The following ATP4A variants were observed in gnomAD, a reference collection of about 807,000 sequenced individuals.
ATP4A encodes potassium-transporting ATPase alpha chain 1.
Under a neutral mutation model 112.1 loss-of-function variants are expected in ATP4A, and 73 were observed. The observed-to-expected ratio is 0.65, with a 90% CI of 0.54 to 0.79. The LOEUF is 0.79. Among genes scored for constraint, ATP4A ranks in the 30% least tolerant of loss-of-function variants. The pLI is 0.00. For missense variants in ATP4A, 1,081 were observed against 1,425.9 expected, an observed-to-expected ratio of 0.76 and a Z score of 3.90; for synonymous variants, 588 against 588.9, an observed-to-expected ratio of 1.00 and a Z score of 0.02.
rs1320758074 is a variant in ATP4A at position 35,559,684 on chromosome 19, A to C, written c.1056+121T>G. 13 of 1,422,460 alleles carry C rather than the reference A, an allele frequency of 9.1e-6. No individual in the cohort carries two copies. Among genetic ancestry groups the C allele is most frequent in the Non-Finnish European group, 1.2e-5 (13 of 1,064,002 alleles). The allele number at this position is 1,422,460 out of a possible 1,614,324, so 88.1% of individuals were successfully genotyped here. The stretch of plus-strand genomic sequence containing the variant: ...TGAGTGGATGATGGGAAGGCAGGAG[A>C]ATGGATGGGAGCTAAGTGGACAGAT... On this transcript the variant is annotated intron_variant, in intron 7 of 21. Coordinates refer to ENST00000262623, the MANE Select transcript of ATP4A (RefSeq NM_000704.3). The surrounding 1 kb of genome is among the most constrained non-coding windows in gnomAD (Gnocchi z 4.1).
At chr19:35,563,109 T>A (rs2071681731) in intron 3 of ATP4A, 100 bp downstream of exon 3, 2 of 1,197,960 alleles carry the variant, frequency 1.7e-6, no homozygotes, top group South Asian at 1.3e-5. Flanking sequence ...CCTCTCTTCA[T>A]CTCTCCCTCT....
chr19:35,554,716 G>A (rs1296306488), intron 16 of ATP4A, among the ~76,000 whole-genome samples: 2 of 115,172 alleles, frequency 1.7e-5, no homozygotes, highest in Non-Finnish European at 3.7e-5. Flanking sequence ...CTGAGTGTCC[G>A]CCTGTGTGTG....
Position 35,557,858 on chromosome 19 carries a change from G to T in ATP4A, c.1501-11C>A, listed in dbSNP as rs541563848. ...CGTATGGATGGACAGCTGTGGGCGG[G>T]GGGGAGAGGCGAGGCTGTGGACGGG... On this transcript the variant is annotated splice_polypyrimidine_tract_variant and intron_variant, in intron 10 of 21. Transcript: ENST00000262623. This position sits in a 1 kb window ranked among gnomAD's most constrained non-coding sequence, Gnocchi z 4.4. 326 of 1,477,908 alleles carry T rather than the reference G, an allele frequency of 2.2e-4. No individual in the cohort carries two copies. The African/African-American group carries it at 3.9e-3, about 18-fold the overall frequency. The allele number at this position is 1,477,908 out of a possible 1,614,324, so 91.5% of individuals were successfully genotyped here. A position where few individuals can be genotyped will look rare whatever the true frequency, so the allele number is the denominator to read the frequency against.
rs763088328 is a variant in ATP4A at position 35,562,409 on chromosome 19, G to A, written c.420+26C>T. 23 of 1,606,924 alleles carry A rather than the reference G, an allele frequency of 1.4e-5. 2 individuals are homozygous for A. The South Asian group carries it at 2.5e-4, about 17-fold the overall frequency. On this transcript the variant is annotated intron_variant, in intron 4 of 21. Transcript: ENST00000262623. ...TTCCATCCCCAGGTCCCCATGTCCTGAGCCTGTCCCCACAACATGGCTCAC... is the reference window on the plus strand; with the variant it reads ...TTCCATCCCCAGGTCCCCATGTCCTAAGCCTGTCCCCACAACATGGCTCAC...
intron 16 of ATP4A, among the ~76,000 whole-genome samples, chr19:35,554,129 G>C (rs996030664): frequency 6.6e-6 from 1 of 151,830 alleles, no homozygotes; most frequent in Non-Finnish European, 1.5e-5. Flanking sequence ...GTAATTCTCT[G>C]TGACTGTATC....
chr19:35,559,159 G>T lies in ATP4A; in HGVS notation c.1089C>A (p.Ala363=). 3 of 1,614,150 alleles carry T rather than the reference G, an allele frequency of 1.9e-6. No homozygotes were observed. The highest frequency in any genetic ancestry group is 2.5e-6 in the Non-Finnish European group (3 of 1,180,030). The change falls in exon 8 of 22, where the codon GCC becomes GCA. Residue 363 remains alanine, a synonymous_variant. Transcript: ENST00000262623. The surrounding 1 kb of genome is among the most constrained non-coding windows in gnomAD (Gnocchi z 4.1). ...GGTTCTTGACCACGCAGTTCTTACT[G>T]GCCAGGCGCTTGGCTGTCAGGGACA... ...VCLSLTAKRL[A]SKNCVVKNLE...
In ATP4A at chr19:35,556,017, G is replaced by A. The variant is rs188595112; in HGVS notation, c.1870-205C>T. ...TGAGGGTGACAGAAAATAAAGAAACGAATTATATAGTGTGTTAGAAAGTGG... is the reference window on the plus strand; with the variant it reads ...TGAGGGTGACAGAAAATAAAGAAACAAATTATATAGTGTGTTAGAAAGTGG... On this transcript the variant is annotated intron_variant, in intron 12 of 21. Coordinates refer to ENST00000262623, the MANE Select transcript of ATP4A (RefSeq NM_000704.3). Among the ~76,000 whole-genome samples, 7 of 152,090 alleles carry A rather than the reference G, an allele frequency of 4.6e-5. No homozygotes were observed. In the South Asian group the frequency reaches 8.3e-4, roughly 18 times the overall value.
At chr19:35,562,379 G>A (rs2146312744) in intron 4 of ATP4A, 56 bp downstream of exon 4, 1 of 1,572,068 alleles carries the variant, frequency 6.4e-7, no homozygotes, top group South Asian at 1.2e-5. Context: ...CCCAGGCTCA[G>A]TGTCTTCCAT....
At position 35,553,057 on chromosome 19, in the gene ATP4A, C is replaced by T; in HGVS notation, c.2731G>A (p.Asp911Asn). 6.2e-7 allele frequency: 1 copy of T among 1,607,556 alleles called. No individual in the cohort carries two copies. Among genetic ancestry groups the T allele is most frequent in the Non-Finnish European group, 8.5e-7 (1 of 1,174,830 alleles). Residue 911 changes from aspartate to asparagine, a missense_variant, in exon 18 of 22, where the codon GAC becomes AAC. Transcript: ENST00000262623. ...WEDHHLQDLQ[D>N]SYGQEWTFGQ... ...CTCACCCACTCCTGGCCGTAGCTGT[C>T]CTGCAGATCTTGTAGGTGGTGGTCC... is the stretch of plus-strand genomic sequence containing the variant.
rs761158858 is a variant in ATP4A, at chr19:35,556,961, C to T, written c.1821G>A (p.Arg607=). ...AGLVSMIDPP[R]ATVPDAVLKC... ...TGAGCACAGCATCAGGGACGGTGGC[C>T]CGGGGTGGGTCAATCATGGATACAA... The change falls in exon 12 of 22, where the codon CGG becomes CGA. Residue 607 remains arginine, a synonymous_variant. Coordinates refer to ENST00000262623, the MANE Select transcript of ATP4A (RefSeq NM_000704.3). 9 of 1,614,132 alleles carry T rather than the reference C, an allele frequency of 5.6e-6. No homozygotes were observed. The South Asian group carries it at 9.9e-5, about 18-fold the overall frequency.
Position 35,560,374 on chromosome 19 carries a change from A to G in ATP4A, c.776T>C (p.Met259Thr). 1 of 1,613,898 alleles carries G rather than the reference A, an allele frequency of 6.2e-7. No individual in the cohort carries two copies. The highest frequency in any genetic ancestry group is 8.5e-7 in the Non-Finnish European group (1 of 1,179,982). ...ETRNIAFFST[M>T]CLEGTVQGLV... ...GGGGCTTCACAGACCCTCAAGGCAC[A>G]TGGTGGAGAAGAAGGCGATGTTGCG... The change falls in exon 6 of 22, where the codon ATG (methionine) becomes ACG (threonine). Residue 259 changes from methionine (M) to threonine (T), a missense_variant. By Grantham distance (81) the Met-to-Thr change is moderately conservative. This residue lies in a region of ATP4A where 850 missense variants were observed against 1,068.2 expected (regional missense o/e 0.80). Coordinates refer to ENST00000262623, the MANE Select transcript of ATP4A (RefSeq NM_000704.3). This position sits in a 1 kb window ranked among gnomAD's most constrained non-coding sequence, Gnocchi z 5.1.
intron 17 of ATP4A, 152 bp downstream of exon 17, chr19:35,553,554 A>G: frequency 8.3e-7 from 1 of 1,199,118 alleles, no homozygotes; most frequent in Non-Finnish European, 1.1e-6. Context: ...ACTGTCACAA[A>G]CAGAGAGGGA....
Position 35,557,455 on chromosome 19 carries a change from G to A in ATP4A, c.1693+200C>T, listed in dbSNP as rs2071637540. 6.6e-6 allele frequency among the ~76,000 whole-genome samples: 1 copy of A among 152,246 alleles called. No individual in the cohort carries two copies. Among genetic ancestry groups the A allele is most frequent in the East Asian group, 1.9e-4 (1 of 5,196 alleles). Reference sequence around the variant, plus strand: ...AGGATACGGATAAAAGTCCAGGTGAGGACTGGGGTCAAGGTAGAAAGTGAG... The same window carrying A: ...AGGATACGGATAAAAGTCCAGGTGAAGACTGGGGTCAAGGTAGAAAGTGAG... On this transcript the variant is annotated intron_variant, in intron 11 of 21. Transcript: ENST00000262623. This position sits in a 1 kb window ranked among gnomAD's most constrained non-coding sequence, Gnocchi z 4.4.
At position 35,560,320 on chromosome 19, in the gene ATP4A, G is replaced by A; in HGVS notation, c.787+43C>T. ...AGAAGATAGCAGGAGAGAGGCCAGT[G>A]GAGGCAGCAGTTACTGGGCAGGCAG... On this transcript the variant is annotated intron_variant, in intron 6 of 21. Coordinates refer to ENST00000262623, the MANE Select transcript of ATP4A (RefSeq NM_000704.3). The surrounding 1 kb of genome is among the most constrained non-coding windows in gnomAD (Gnocchi z 5.1). The A allele has an allele frequency of 6.2e-7, 1 of 1,608,114 alleles. No individual in the cohort carries two copies. Among genetic ancestry groups the A allele is most frequent in the Non-Finnish European group, 8.5e-7 (1 of 1,176,562 alleles).
rs759487655 is a variant in ATP4A, at chr19:35,563,480, C to G, written c.60G>C (p.Gly20=). ...YSVELGPGPG[G]DMAAKMSKKK... is the part of the protein sequence containing the mutation. ...TCTTGCTCATCTTGGCAGCCATGTC[C>G]CCGCCAGGGCCAGGACCCAGCTCCA... is the stretch of plus-strand genomic sequence containing the variant. Residue 20 remains glycine (G), a synonymous_variant, in exon 2 of 22, where the codon GGG becomes GGC. Coordinates refer to ENST00000262623, the MANE Select transcript of ATP4A (RefSeq NM_000704.3). The G allele has an allele frequency of 1.9e-6, 3 of 1,613,964 alleles. No homozygotes were observed. The African/African-American group carries it at 4.0e-5, about 22-fold the overall frequency.
At position 35,558,137 on chromosome 19, in the gene ATP4A, C is replaced by T; in HGVS notation, c.1500+225G>A. On this transcript the variant is annotated intron_variant, in intron 10 of 21. Coordinates refer to ENST00000262623, the MANE Select transcript of ATP4A (RefSeq NM_000704.3). This position sits in a 1 kb window ranked among gnomAD's most constrained non-coding sequence, Gnocchi z 5.1. ...GGCGGATTTGGAGAGCGAGGTGCTC[C>T]CCATGGACAGTCCCGCCGAGGAGAA... 3.0e-6 allele frequency: 2 copies of T among 662,626 alleles called. No homozygotes were observed. Among genetic ancestry groups the T allele is most frequent in the Non-Finnish European group, 5.1e-6 (2 of 395,520 alleles). The allele number at this position is 662,626 out of a possible 1,614,324, so 41.0% of individuals were successfully genotyped here. A position where few individuals can be genotyped will look rare whatever the true frequency, so the allele number is the denominator to read the frequency against.
Position 35,560,654 on chromosome 19 carries a change from T to TGGGGGTGGGGGGGGGG in ATP4A, c.535-40_535-39insCCCCCCCCCCACCCCC. 2.0e-6 allele frequency: 1 copy of TGGGGGTGGGGGGGGGG among 506,894 alleles called. No individual in the cohort carries two copies. Among genetic ancestry groups the TGGGGGTGGGGGGGGGG allele is most frequent in the Non-Finnish European group, 3.0e-6 (1 of 332,126 alleles). The allele number at this position is 506,894 out of a possible 1,614,324, so 31.4% of individuals were successfully genotyped here. ...GCACCAAAGTTGAGGTGGACGGGGG[T>TGGGGGTGGGGGGGGGG]GGGGGTGGGAGCTGCTGCATGTGGG... is the stretch of plus-strand genomic sequence containing the variant. On this transcript the variant is annotated intron_variant, in intron 5 of 21. Transcript: ENST00000262623. This position sits in a 1 kb window ranked among gnomAD's most constrained non-coding sequence, Gnocchi z 5.1.
At chr19:35,562,364 C>T (rs889452194) in intron 4 of ATP4A, 71 bp downstream of exon 4, 2 of 1,537,430 alleles carry the variant, frequency 1.3e-6, no homozygotes, top group Non-Finnish European at 1.8e-6. Context: ...CCTCTTGTCC[C>T]AAGTCCCAGG....
In ATP4A at chr19:35,553,819, A is replaced by G. The variant is rs960716144; in HGVS notation, c.2492T>C (p.Val831Ala). ...IELCTDIFPS[V>A]SLAYEKAESD... The stretch of plus-strand genomic sequence containing the variant: ...CTCGGCCTTTTCATATGCCAGGGAC[A>G]CAGATGGGAACTGGCCAGGAGTGGA... Residue 831 changes from valine to alanine, a missense_variant, in exon 17 of 22, where the codon GTG becomes GCG. By Grantham distance (64) the Val-to-Ala change is moderately conservative (BLOSUM62 0). Coordinates refer to ENST00000262623, the MANE Select transcript of ATP4A (RefSeq NM_000704.3). 1 of 1,577,976 alleles carries G rather than the reference A, an allele frequency of 6.3e-7. No individual in the cohort carries two copies. Among genetic ancestry groups the G allele is most frequent in the Non-Finnish European group, 8.6e-7 (1 of 1,161,448 alleles).
Sources: gnomAD v4.1 joint callset for allele counts (sites outside exome capture counted in the v4.1 genomes callset) on GRCh38, gnomAD v4.1.1 for gene constraint, gnomAD v4.1.1 regional missense constraint, Gnocchi (gnomAD v3.1) non-coding constraint, MANE v1.5 for transcripts, NCBI Gene and HGNC (gene_info 2026-07-23, HGNC 2026-07-21) for gene names.